Variants in CEP78 observed in about 807,000 individuals in gnomAD.
The protein encoded by CEP78 is centrosomal protein of 78 kDa.
CEP78 carries 76 observed loss-of-function variants against 81.2 expected under a neutral mutation model. The ratio of observed to expected loss-of-function variants is 0.94; its 90% confidence interval spans 0.78 to 1.13. The LOEUF is 1.13. CEP78 is among the 50% of genes most tolerant of loss of function. The probability of loss-of-function intolerance (pLI) is 0.00; values close to 1 mark genes in which losing one functional copy is unlikely to be tolerated. For synonymous variants in CEP78, 293 were observed against 301.4 expected, an observed-to-expected ratio of 0.97 and a Z score of 0.29; for missense variants, 918 against 846.8, an observed-to-expected ratio of 1.08 and a Z score of -1.04.
chr9:78,242,950 G>T lies in CEP78; in HGVS notation c.604-512G>T, dbSNP rs546965613. ...AGAAAATATTAACCTCTATATTTTT[G>T]TATCATTTAAAAAATACCTATTGTT... On this transcript the variant is annotated intron_variant, in intron 4 of 16. Transcript: ENST00000643273. Among the ~76,000 whole-genome samples the T allele has an allele frequency of 1.6e-4, 24 of 152,026 alleles. No homozygotes were observed. The East Asian group carries it at 3.7e-3, about 23-fold the overall frequency.
Position 78,275,606 on chromosome 9 carries a change from CAAA to C in CEP78, c.*4772_*4774del, listed in dbSNP as rs1188633102. On this transcript the variant is annotated 3_prime_UTR_variant, in exon 17 of 17. Coordinates refer to ENST00000643273, the MANE Select transcript of CEP78 (RefSeq NM_001330691.3). ...GGAGACAAGAGGGAAACTCTGTCTCCAAAAAAAAAAAAAAAAAAATACAGTTAG... is the reference window on the plus strand; with the variant it reads ...GGAGACAAGAGGGAAACTCTGTCTCCAAAAAAAAAAAAAAAATACAGTTAG... 8.8e-5 allele frequency: 6 copies of C among 68,148 alleles called. No individual in the cohort carries two copies. Among genetic ancestry groups the C allele is most frequent in the Admixed American group, 1.5e-4 (1 of 6,536 alleles). 4.2% of individuals were successfully genotyped at this position (68,148 alleles called of 1,614,324 possible).
chr9:78,275,816 G>A lies in CEP78; in HGVS notation c.*4965G>A, dbSNP rs1412350540. The A allele has an allele frequency of 6.6e-6, 1 of 152,418 alleles. No homozygotes were observed. Among genetic ancestry groups the A allele is most frequent in the Non-Finnish European group, 1.5e-5 (1 of 68,376 alleles). 9.4% of individuals were successfully genotyped at this position (152,418 alleles called of 1,614,324 possible). A position where few individuals can be genotyped will look rare whatever the true frequency, so the allele number is the denominator to read the frequency against. Reference sequence around the variant, plus strand: ...CCAAAACTTAGCCAGGCATGGTGGTGCGTGCATGTAGTCCCAGCCACTCAG... The same window carrying A: ...CCAAAACTTAGCCAGGCATGGTGGTACGTGCATGTAGTCCCAGCCACTCAG... On this transcript the variant is annotated 3_prime_UTR_variant, in exon 17 of 17. Transcript: ENST00000643273.
chr9:78,248,895 T>C, intron 8 of CEP78, 22 bp downstream of exon 8: 1 of 1,216,230 alleles, frequency 8.2e-7, no homozygotes, highest in Non-Finnish European at 1.2e-6. Flanking sequence ...TGTCTTGGCT[T>C]TTTAATGCTA....
At chr9:78,253,451 T>A in intron 10 of CEP78, 174 bp downstream of exon 10, 1 of 546,898 alleles carries the variant, frequency 1.8e-6, no homozygotes. Flanking sequence ...TGTGGATATG[T>A]CACACAATGG....
Position 78,241,723 on chromosome 9 carries a change from T to C in CEP78, c.527T>C (p.Ile176Thr). ...EIICQGIKSS[I>T]TLKTVNFTGC... The stretch of plus-strand genomic sequence containing the variant: ...ATTTGTCAAGGTATAAAGAGCTCTA[T>C]CACTCTTAAGACAGTCAACTTCACA... Residue 176 changes from isoleucine to threonine, a missense_variant, in exon 4 of 17, where the codon ATC becomes ACC. Coordinates refer to ENST00000643273, the MANE Select transcript of CEP78 (RefSeq NM_001330691.3). 6.2e-7 allele frequency: 1 copy of C among 1,600,398 alleles called. No individual in the cohort carries two copies. The highest frequency in any genetic ancestry group is 1.7e-5 in the Admixed American group (1 of 58,976).
chr9:78,253,592 T>G (rs1011253406), intron 10 of CEP78: 1 of 248,694 alleles, frequency 4.0e-6, no homozygotes, highest in African/African-American at 2.2e-5. Flanking sequence ...GTCAAGAATG[T>G]CCTTAAGTTT....
chr9:78,262,710 T>C (rs1299818011), intron 11 of CEP78, among the ~76,000 whole-genome samples, 197 bp from the exon 12 acceptor site: 1 of 152,110 alleles, frequency 6.6e-6, no homozygotes, highest in Non-Finnish European at 1.5e-5. Context: ...AATAAATCTG[T>C]AATGTGCGAA....
At position 78,273,032 on chromosome 9, in the gene CEP78, A is replaced by G. The variant is rs1365672485; in HGVS notation, c.*2181A>G. 1.3e-5 allele frequency: 2 copies of G among 152,214 alleles called. No homozygotes were observed. Among genetic ancestry groups the G allele is most frequent in the East Asian group, 3.8e-4 (2 of 5,200 alleles). The allele number at this position is 152,214 out of a possible 1,614,324, so 9.4% of individuals were successfully genotyped here. On this transcript the variant is annotated 3_prime_UTR_variant, in exon 17 of 17. Transcript: ENST00000643273. ...GAGAGGGAAGCAAATGTATGTCAACAACTTTAATAGCTACAAAACTACCTG... is the reference window on the plus strand; with the variant it reads ...GAGAGGGAAGCAAATGTATGTCAACGACTTTAATAGCTACAAAACTACCTG...
intron 16 of CEP78, among the ~76,000 whole-genome samples, chr9:78,267,544 G>A (rs1210415549): frequency 1.3e-5 from 2 of 152,138 alleles, no homozygotes; most frequent in Admixed American, 6.5e-5. Flanking sequence ...TTATAGATGA[G>A]GTGTCTAAGG....
intron 1 of CEP78, among the ~76,000 whole-genome samples, chr9:78,237,975 A>AAAT (rs1251809304): frequency 6.8e-6 from 1 of 146,894 alleles, no homozygotes; most frequent in African/African-American, 2.5e-5. Context: ...AAAAAAAAAA[A>AAAT]TTAGCCGGGC....
chr9:78,251,691 T>C (rs1317799454), intron 8 of CEP78, among the ~76,000 whole-genome samples: 1 of 151,228 alleles, frequency 6.6e-6, no homozygotes. Context: ...TATTTTTATA[T>C]ATTTATTACT....
intron 3 of CEP78, 61 bp downstream of exon 3, chr9:78,240,425 C>A: frequency 7.6e-7 from 1 of 1,322,030 alleles, no homozygotes; most frequent in Non-Finnish European, 1.1e-6. Flanking sequence ...TCCCTACATG[C>A]CATGTTAATT....
chr9:78,259,897 A>T (rs962831873), intron 11 of CEP78, among the ~76,000 whole-genome samples: 1 of 152,244 alleles, frequency 6.6e-6, no homozygotes, highest in African/African-American at 2.4e-5. Context: ...GGAAGACAGT[A>T]ACCTTTTATC....
In CEP78 at chr9:78,241,854, A is replaced by G. The variant is rs144347997; in HGVS notation, c.603+55A>G. ...TGTGTTATATGATTGCCACACGTTA[A>G]TATTTTGATACAAGACAGCAGTTAT... On this transcript the variant is annotated intron_variant, in intron 4 of 16. Coordinates refer to ENST00000643273, the MANE Select transcript of CEP78 (RefSeq NM_001330691.3). 608 of 965,932 alleles carry G rather than the reference A, an allele frequency of 6.3e-4. No homozygotes were observed. The African/African-American group carries it at 8.8e-3, about 14-fold the overall frequency. The allele number at this position is 965,932 out of a possible 1,614,324, so 59.8% of individuals were successfully genotyped here.
chr9:78,245,143 TGTG>T lies in CEP78; in HGVS notation c.778+1511_778+1513del, dbSNP rs1426885721. 4.6e-5 allele frequency among the ~76,000 whole-genome samples: 7 copies of T among 152,136 alleles called. No homozygotes were observed. The East Asian group carries it at 1.4e-3, about 29-fold the overall frequency. ...ATATCTGACTTATTTCTGTGTGTCTTGTGGTGTCTTAGTCAGTTAGGGCTTCAT... is the reference window on the plus strand; with the variant it reads ...ATATCTGACTTATTTCTGTGTGTCTTGTGTCTTAGTCAGTTAGGGCTTCAT... On this transcript the variant is annotated intron_variant, in intron 5 of 16. Coordinates refer to ENST00000643273, the MANE Select transcript of CEP78 (RefSeq NM_001330691.3).
intron 10 of CEP78, chr9:78,254,055 GAC>G (rs1826893166): frequency 6.6e-6 from 1 of 152,100 alleles, no homozygotes; most frequent in African/African-American, 2.4e-5. Flanking sequence ...ATGGGATTGT[GAC>G]ACAGTCAATT....
At chr9:78,266,337 C>A in intron 15 of CEP78, 105 bp from the exon 16 acceptor site, 2 of 867,160 alleles carry the variant, frequency 2.3e-6, no homozygotes, top group Non-Finnish European at 3.5e-6. Flanking sequence ...GCAAAAATGA[C>A]CTGGAAATCT....
In CEP78 at chr9:78,276,866, A is replaced by G. The variant is rs375262118; in HGVS notation, c.*6015A>G. On this transcript the variant is annotated 3_prime_UTR_variant, in exon 17 of 17. Coordinates refer to ENST00000643273, the MANE Select transcript of CEP78 (RefSeq NM_001330691.3). ...AAATTCAAAGCAATTTCATATAACCACAGTAAAGCTTTTTAAATGGATGTA... is the reference window on the plus strand; with the variant it reads ...AAATTCAAAGCAATTTCATATAACCGCAGTAAAGCTTTTTAAATGGATGTA... 1 of 152,184 alleles carries G rather than the reference A, an allele frequency of 6.6e-6. No individual in the cohort carries two copies. The highest frequency in any genetic ancestry group is 1.9e-4 in the East Asian group (1 of 5,200). The allele number at this position is 152,184 out of a possible 1,614,324, so 9.4% of individuals were successfully genotyped here.
rs140403887 is a variant in CEP78 at position 78,263,566 on chromosome 9, T to A, written c.1458+582T>A. On this transcript the variant is annotated intron_variant, in intron 12 of 16. Coordinates refer to ENST00000643273, the MANE Select transcript of CEP78 (RefSeq NM_001330691.3). ...AAGACAGTTAATCATTCAATAAAGGTTGAGCACCTGATTGTATAAGGCAAA... is the reference window on the plus strand; with the variant it reads ...AAGACAGTTAATCATTCAATAAAGGATGAGCACCTGATTGTATAAGGCAAA... Among the ~76,000 whole-genome samples the A allele has an allele frequency of 2.6e-3, 392 of 152,256 alleles. 2 individuals carry two copies. The highest frequency in any genetic ancestry group is 8.8e-3 in the African/African-American group (365 of 41,568).
Sources: allele counts gnomAD v4.1 joint callset (sites outside exome capture counted in the v4.1 genomes callset), GRCh38; gene constraint gnomAD v4.1.1; transcripts MANE v1.5; gene names NCBI Gene and HGNC (gene_info 2026-07-23, HGNC 2026-07-21).